The following LUZP1 variants were observed in gnomAD, a reference collection of about 807,000 sequenced individuals.
The protein encoded by LUZP1 is filamin mechanobinding actin cross-linking protein.
LUZP1 carries 25 observed loss-of-function variants against 71.3 expected under a neutral mutation model. That is an observed-to-expected ratio of 0.35 (90% CI 0.26 to 0.49). The LOEUF is 0.49. Among genes scored for constraint, LUZP1 ranks in the 20% least tolerant of loss-of-function variants. The probability of loss-of-function intolerance (pLI) is 0.99; values close to 1 mark genes in which losing one functional copy is unlikely to be tolerated. For synonymous variants in LUZP1, 481 were observed against 506.4 expected, an observed-to-expected ratio of 0.95 and a Z score of 0.67; for missense variants, 1,142 against 1,300.8, an observed-to-expected ratio of 0.88 and a Z score of 1.88.
chr1:23,139,758 G>A (rs1439152900), intron 2 of LUZP1, among the ~76,000 whole-genome samples: 1 of 152,040 alleles, frequency 6.6e-6, no homozygotes, highest in Non-Finnish European at 1.5e-5. Flanking sequence ...GACCAGCCCT[G>A]GCAACATAGC....
At chr1:23,114,215 A>G (rs1190988811) in intron 2 of LUZP1, among the ~76,000 whole-genome samples, 4 of 152,236 alleles carry the variant, frequency 2.6e-5, no homozygotes, top group Non-Finnish European at 5.9e-5. Flanking sequence ...GAAACAGAAT[A>G]ACTTGGGATC....
intron 4 of LUZP1, 55 bp from the exon 4 acceptor site, chr1:23,089,108 G>A: frequency 6.4e-7 from 1 of 1,561,078 alleles, no homozygotes; most frequent in Non-Finnish European, 8.8e-7. Context: ...TGAGGACCGA[G>A]ACACCCTCAC....
chr1:23,092,744 C>A, exon 4 of LUZP1: 1 of 1,613,920 alleles, frequency 6.2e-7, no homozygotes, highest in Non-Finnish European at 8.5e-7. Context: ...TTCGTGTTGT[C>A]TTCTCCACTT....
At chr1:23,164,862 T>C (rs1391668634) in intron 2 of LUZP1, among the ~76,000 whole-genome samples, 1 of 152,220 alleles carries the variant, frequency 6.6e-6, no homozygotes, top group African/African-American at 2.4e-5. Context: ...CCATAATTTG[T>C]TAAGCGCTTC....
rs1369173324 is a variant in LUZP1, at chr1:23,146,501, T to G, written c.-226+22265A>C. On this transcript the variant is annotated intron_variant, in intron 2 of 4. Transcript: ENST00000302291. The stretch of plus-strand genomic sequence containing the variant: ...GGGATAATACCTATCACACAGAATT[T>G]AAGAACTAAATGGGACCCCCATGCG... Among the ~76,000 whole-genome samples, 3 of 152,178 alleles carry G rather than the reference T, an allele frequency of 2.0e-5. No individual in the cohort carries two copies. In the East Asian group the frequency reaches 5.8e-4, roughly 29 times the overall value.
chr1:23,099,794 G>T (rs1643917146), intron 3 of LUZP1, among the ~76,000 whole-genome samples: 1 of 152,108 alleles, frequency 6.6e-6, no homozygotes, highest in Non-Finnish European at 1.5e-5. Flanking sequence ...GAGAAAGCAG[G>T]TATTACACAC....
intron 2 of LUZP1, among the ~76,000 whole-genome samples, chr1:23,116,300 G>T (rs1644078100): frequency 6.6e-6 from 1 of 152,202 alleles, no homozygotes; most frequent in African/African-American, 2.4e-5. Flanking sequence ...AGGATCACTT[G>T]ATCTAGGAGA....
intron 2 of LUZP1, among the ~76,000 whole-genome samples, chr1:23,115,652 T>C (rs1024606026): frequency 2.0e-5 from 3 of 152,154 alleles, no homozygotes; most frequent in African/African-American, 4.8e-5. Context: ...GCGATTCTCC[T>C]GTCTCAGCCT....
chr1:23,087,976 T>C, exon 5 of LUZP1: 1 of 152,576 alleles, frequency 6.6e-6, no homozygotes, highest in Non-Finnish European at 1.5e-5. Context: ...GTGGAGTGAC[T>C]AAAGGGGTCT....
At chr1:23,101,820 GTATGTT>G (rs1470700768) in intron 3 of LUZP1, among the ~76,000 whole-genome samples, 5 of 152,188 alleles carry the variant, frequency 3.3e-5, no homozygotes, top group African/African-American at 1.2e-4. Flanking sequence ...TCTGTGTTAA[GTATGTT>G]TATCCAGGCA....
rs1322981005 is a variant in LUZP1, at chr1:23,093,488, C to G, written c.774G>C (p.Lys258Asn). The G allele has an allele frequency of 1.2e-6, 2 of 1,612,422 alleles. No individual in the cohort carries two copies. Among genetic ancestry groups the G allele is most frequent in the African/African-American group, 2.7e-5 (2 of 74,766 alleles). The change falls in exon 4 of 5, where the codon AAG becomes AAC. Residue 258 changes from lysine (K) to asparagine (N), a missense_variant. Lys to Asn is a moderately conservative substitution (Grantham distance 94, BLOSUM62 0). Coordinates refer to ENST00000302291, the Ensembl canonical transcript of LUZP1. The surrounding 1 kb of genome is among the most constrained non-coding windows in gnomAD (Gnocchi z 4.2). ...CCTGCTTTAGGTAGTCCAGACCACC[C>G]TTCCTTCTTGATTCTTTGGACGGCA...
chr1:23,114,653 C>T (rs961833243), intron 2 of LUZP1, among the ~76,000 whole-genome samples: 7 of 152,198 alleles, frequency 4.6e-5, no homozygotes, highest in Admixed American at 2.0e-4. Flanking sequence ...GCTCACTTCC[C>T]TCCTCCCAAC....
chr1:23,174,911 C>A (rs148642210), intron 1 of LUZP1, among the ~76,000 whole-genome samples: 49 of 152,250 alleles, frequency 3.2e-4, no homozygotes, highest in African/African-American at 8.9e-4. Flanking sequence ...TGTTTCAGGG[C>A]AACCGTTACT....
At chr1:23,120,836 G>T (rs1026043861) in intron 2 of LUZP1, among the ~76,000 whole-genome samples, 2 of 152,052 alleles carry the variant, frequency 1.3e-5, no homozygotes, top group African/African-American at 4.8e-5. Flanking sequence ...ACTAAAGGAG[G>T]GCTTTCATAT....
chr1:23,156,923 A>G (rs1270420557), intron 2 of LUZP1, among the ~76,000 whole-genome samples: 1 of 152,232 alleles, frequency 6.6e-6, no homozygotes, highest in African/African-American at 2.4e-5. Context: ...AGTTAAATAT[A>G]AGCACCTGCA....
intron 1 of LUZP1, among the ~76,000 whole-genome samples, chr1:23,176,770 C>G (rs187309418): frequency 2.6e-4 from 40 of 152,312 alleles, no homozygotes; most frequent in Admixed American, 7.8e-4. Context: ...AGAGTAACAG[C>G]TGGGGCTTTG....
chr1:23,141,782 C>A (rs868868003), intron 2 of LUZP1, among the ~76,000 whole-genome samples: 2 of 152,048 alleles, frequency 1.3e-5, no homozygotes, highest in African/African-American at 4.8e-5. Context: ...TGGGCTCAAG[C>A]GATCCTCTCA....
chr1:23,132,441 A>C (rs1644222306), intron 2 of LUZP1, among the ~76,000 whole-genome samples: 1 of 152,154 alleles, frequency 6.6e-6, no homozygotes, highest in African/African-American at 2.4e-5. Context: ...GACCACACAG[A>C]AAACTTTACT....
intron 1 of LUZP1, among the ~76,000 whole-genome samples, chr1:23,176,251 G>A (rs974723936): frequency 2.6e-5 from 4 of 151,798 alleles, no homozygotes; most frequent in South Asian, 2.1e-4. Context: ...TAGTAGAGAC[G>A]GGGTTTCACC....
Sources: allele counts gnomAD v4.1 joint callset (sites outside exome capture counted in the v4.1 genomes callset), GRCh38; gene constraint gnomAD v4.1.1; non-coding constraint Gnocchi (gnomAD v3.1); transcripts MANE v1.5; gene names NCBI Gene and HGNC (gene_info 2026-07-23, HGNC 2026-07-21).